The following ZIK1 variants were observed in gnomAD, a reference collection of about 807,000 sequenced individuals.
The protein encoded by ZIK1 is zinc finger protein interacting with K protein 1, also known as zinc finger protein interacting with ribonucleoprotein K.
Under a neutral mutation model 10.7 loss-of-function variants are expected in ZIK1, and 12 were observed. That is an observed-to-expected ratio of 1.12 (90% confidence interval 0.72 to 1.81). The LOEUF (loss-of-function observed/expected upper bound fraction) is 1.81, where lower values mean the gene tolerates loss of function less well. ZIK1 is among the 40% of genes most tolerant of loss of function. The pLI is 0.00. For missense variants in ZIK1, 497 were observed against 585.7 expected (o/e 0.85, Z 1.56); for synonymous variants, 190 against 205.0 (o/e 0.93, Z 0.63).
rs1472471696 is a variant in ZIK1, at chr19:57,590,848, C to T, written c.1037C>T (p.Thr346Ile). 1.2e-6 allele frequency: 2 copies of T among 1,614,102 alleles called. No individual in the cohort carries two copies. The highest frequency in any genetic ancestry group is 1.7e-6 in the Non-Finnish European group (2 of 1,180,024). The change falls in exon 4 of 4, where the codon ACT becomes ATT. Residue 346 changes from threonine (T) to isoleucine (I), a missense_variant. Coordinates refer to ENST00000597850, the MANE Select transcript of ZIK1 (RefSeq NM_001010879.4). ...ATLVKHQRVH[T>I]GERPYKCGEC... is the part of the protein sequence containing the mutation. Reference sequence around the variant, plus strand: ...CTTGTTAAACACCAAAGAGTTCACACTGGAGAAAGGCCTTATAAGTGTGGT... The same window carrying T: ...CTTGTTAAACACCAAAGAGTTCACATTGGAGAAAGGCCTTATAAGTGTGGT...
chr19:57,588,560 A>G lies in ZIK1; in HGVS notation c.94A>G (p.Ile32Val), dbSNP rs751682161. 14 of 1,567,198 alleles carry G rather than the reference A, an allele frequency of 8.9e-6. No homozygotes were observed. Among genetic ancestry groups the G allele is most frequent in the East Asian group, 4.7e-5 (2 of 42,950 alleles). Residue 32 changes from isoleucine (I) to valine (V), a missense_variant, in exon 3 of 4, where the codon ATC becomes GTC. Coordinates refer to ENST00000597850, the MANE Select transcript of ZIK1 (RefSeq NM_001010879.4). ...ACAGGGCTGTGTGACCTTTGAGGACATCGCCATTTACTTCTCACAGGACGA... is the reference window on the plus strand; with the variant it reads ...ACAGGGCTGTGTGACCTTTGAGGACGTCGCCATTTACTTCTCACAGGACGA... ...LTKGCVTFED[I>V]AIYFSQDEWG... is the part of the protein sequence containing the mutation.
In ZIK1 at chr19:57,590,422, T is replaced by C. The variant is rs201294359; in HGVS notation, c.611T>C (p.Ile204Thr). 198 of 1,614,032 alleles carry C rather than the reference T, an allele frequency of 1.2e-4. No individual in the cohort carries two copies. Among genetic ancestry groups the C allele is most frequent in the Non-Finnish European group, 3.1e-5 (37 of 1,180,016 alleles). Residue 204 changes from isoleucine (I) to threonine (T), a missense_variant, in exon 4 of 4, where the codon ATT (isoleucine) becomes ACT (threonine). Ile to Thr is a moderately conservative substitution (Grantham distance 89). Coordinates refer to ENST00000597850, the MANE Select transcript of ZIK1 (RefSeq NM_001010879.4). ...ACAATTACTGAATGTGGGGAGGACA[T>C]TCGCAGTCAAAAAAGTCATTACAAG... ...PGTITECGED[I>T]RSQKSHYKSG...
At position 57,591,416 on chromosome 19, in the gene ZIK1, C is replaced by T; in HGVS notation, c.*141C>T. The T allele has an allele frequency of 1.2e-6, 1 of 835,406 alleles. No homozygotes were observed. 51.7% of individuals were successfully genotyped at this position (835,406 alleles called of 1,614,324 possible). A position where few individuals can be genotyped will look rare whatever the true frequency, so the allele number is the denominator to read the frequency against. The stretch of plus-strand genomic sequence containing the variant: ...CTGTAGTATTGTAGCAGTAGAGAGC[C>T]TTTGTGAGGGAGCCATCTGCCTGAA... On this transcript the variant is annotated 3_prime_UTR_variant, in exon 4 of 4. Coordinates refer to ENST00000597850, the MANE Select transcript of ZIK1 (RefSeq NM_001010879.4).
intron 3 of ZIK1, 82 bp downstream of exon 3, chr19:57,588,747 A>G (rs1238282300): frequency 7.4e-7 from 1 of 1,346,840 alleles, no homozygotes; most frequent in Middle Eastern, 2.0e-4. Context: ...GATATGTGCT[A>G]TGGGATCCAG....
Position 57,591,184 on chromosome 19 carries a change from C to A in ZIK1, c.1373C>A (p.Thr458Asn). The A allele has an allele frequency of 6.2e-7, 1 of 1,614,222 alleles. No individual in the cohort carries two copies. The highest frequency in any genetic ancestry group is 8.5e-7 in the Non-Finnish European group (1 of 1,180,040). ...CTCATTCAACACCAAGTGGTTCACA[C>A]TGGAGAAAGGCCTTATGAGTGCAAC... ...SGLIQHQVVHTGERPYECNKC... is the reference protein window; with the variant it reads ...SGLIQHQVVHNGERPYECNKC... The change falls in exon 4 of 4, where the codon ACT becomes AAT. Residue 458 changes from threonine to asparagine, a missense_variant. By Grantham distance (65) the Thr-to-Asn change is moderately conservative (BLOSUM62 0). Transcript: ENST00000597850.
rs934062932 is a variant in ZIK1, at chr19:57,591,452, A to G, written c.*177A>G. 1.5e-6 allele frequency: 1 copy of G among 648,404 alleles called. No individual in the cohort carries two copies. Among genetic ancestry groups the G allele is most frequent in the African/African-American group, 1.8e-5 (1 of 54,846 alleles). 40.2% of individuals were successfully genotyped at this position (648,404 alleles called of 1,614,324 possible). ...AGCCATCTGCCTGAAGTTGAACCTCATTCTTCCTTGTTTCTCTGGTAGAAA... is the reference window on the plus strand; with the variant it reads ...AGCCATCTGCCTGAAGTTGAACCTCGTTCTTCCTTGTTTCTCTGGTAGAAA... On this transcript the variant is annotated 3_prime_UTR_variant, in exon 4 of 4. Coordinates refer to ENST00000597850, the MANE Select transcript of ZIK1 (RefSeq NM_001010879.4).
intron 3 of ZIK1, among the ~76,000 whole-genome samples, chr19:57,588,979 C>G (rs1485431624): frequency 6.6e-6 from 1 of 152,116 alleles, no homozygotes. Context: ...CTGACATTTT[C>G]TTGTGGCTAC....
rs191421323 is a variant in ZIK1, at chr19:57,587,126, T to C, written c.73-1413T>C. Among the ~76,000 whole-genome samples the C allele has an allele frequency of 2.1e-3, 321 of 152,234 alleles. 2 individuals carry two copies. The highest frequency in any genetic ancestry group is 7.4e-3 in the African/African-American group (308 of 41,544). On this transcript the variant is annotated intron_variant, in intron 2 of 3. Coordinates refer to ENST00000597850, the MANE Select transcript of ZIK1 (RefSeq NM_001010879.4). ...ATCTTGTGAGACTTATTTACTATCA[T>C]GAGAACAGCATGGGAAAGGCCTGCC...
chr19:57,590,632 A>G lies in ZIK1; in HGVS notation c.821A>G (p.Lys274Arg). 6.2e-7 allele frequency: 1 copy of G among 1,614,208 alleles called. No individual in the cohort carries two copies. The highest frequency in any genetic ancestry group is 1.7e-5 in the Admixed American group (1 of 60,024). Residue 274 changes from lysine (K) to arginine (R), a missense_variant, in exon 4 of 4, where the codon AAA (lysine) becomes AGA (arginine). Coordinates refer to ENST00000597850, the MANE Select transcript of ZIK1 (RefSeq NM_001010879.4). ...CCTTGGGAGTGCAATGAATGTGGAA[A>G]ATTCTTTAGCCAAACCTCCCACCTG... is the stretch of plus-strand genomic sequence containing the variant. ...ERPWECNECG[K>R]FFSQTSHLND... is the part of the protein sequence containing the mutation.
Position 57,590,976 on chromosome 19 carries a change from A to G in ZIK1, c.1165A>G (p.Ser389Gly), listed in dbSNP as rs1166861337. The G allele has an allele frequency of 6.2e-7, 1 of 1,614,144 alleles. No homozygotes were observed. The highest frequency in any genetic ancestry group is 8.5e-7 in the Non-Finnish European group (1 of 1,180,008). The part of the protein sequence containing the change: ...YECGQCGKSF[S>G]QKATLIKHQR... ...GTGTGGCCAGTGTGGGAAATCCTTT[A>G]GTCAAAAAGCTACCCTCATTAAACA... The change falls in exon 4 of 4, where the codon AGT becomes GGT. Residue 389 changes from serine to glycine, a missense_variant. Coordinates refer to ENST00000597850, the MANE Select transcript of ZIK1 (RefSeq NM_001010879.4).
At position 57,590,584 on chromosome 19, in the gene ZIK1, A is replaced by G; in HGVS notation, c.773A>G (p.Gln258Arg). The G allele has an allele frequency of 6.2e-7, 1 of 1,614,282 alleles. No homozygotes were observed. The change falls in exon 4 of 4, where the codon CAG becomes CGG. Residue 258 changes from glutamine to arginine, a missense_variant. Gln to Arg is a conservative substitution (Grantham distance 43). Coordinates refer to ENST00000597850, the MANE Select transcript of ZIK1 (RefSeq NM_001010879.4). ...GGCAAGTACTCACTTGTTCAGCACC[A>G]GAGAGTCCATACTGGAGAAAGGCCT... ...FRGKYSLVQH[Q>R]RVHTGERPWE...
chr19:57,585,797 C>T (rs985164049), intron 2 of ZIK1, among the ~76,000 whole-genome samples: 11 of 152,218 alleles, frequency 7.2e-5, no homozygotes, highest in Middle Eastern at 3.4e-3. Context: ...CAACCTCCAC[C>T]TCCCGGGTTC....
At chr19:57,584,564 C>T in intron 1 of ZIK1, 175 bp downstream of exon 1, 1 of 1,410,832 alleles carries the variant, frequency 7.1e-7, no homozygotes, top group Non-Finnish European at 9.2e-7. Flanking sequence ...ACCAGCGTTT[C>T]TAAACTCTTG....
At chr19:57,584,559 C>G in intron 1 of ZIK1, 170 bp downstream of exon 1, 1 of 1,410,710 alleles carries the variant, frequency 7.1e-7, no homozygotes, top group Non-Finnish European at 9.2e-7. Context: ...AAGGGACCAG[C>G]GTTTCTAAAC....
chr19:57,589,520 G>C (rs1467645929), intron 3 of ZIK1: 1 of 985,210 alleles, frequency 1.0e-6, no homozygotes, highest in Non-Finnish European at 1.2e-6. Flanking sequence ...TGCTCCCTCT[G>C]CAATGTTTTC....
chr19:57,587,210 ACAATT>A (rs930367434), intron 2 of ZIK1, among the ~76,000 whole-genome samples: 7 of 152,230 alleles, frequency 4.6e-5, no homozygotes, highest in African/African-American at 7.2e-5. Flanking sequence ...TGTGGGAACT[ACAATT>A]CAAGAAGAGA....
In ZIK1 at chr19:57,590,827, TTAAACACCA is replaced by T. The variant is rs1979622908; in HGVS notation, c.1017_1025del (p.Lys340_Gln342del). On this transcript the variant is annotated inframe_deletion, in exon 4 of 4. Coordinates refer to ENST00000597850, the MANE Select transcript of ZIK1 (RefSeq NM_001010879.4). ...TCCTTTAGCCAAAAAGCCACCCTTG[TTAAACACCA>T]AAGAGTTCACACTGGAGAAAGGCCT... 6.2e-7 allele frequency: 1 copy of T among 1,613,942 alleles called. No individual in the cohort carries two copies. Among genetic ancestry groups the T allele is most frequent in the Non-Finnish European group, 8.5e-7 (1 of 1,180,024 alleles).
chr19:57,584,689 T>A (rs1978970624), intron 1 of ZIK1: 1 of 1,335,600 alleles, frequency 7.5e-7, no homozygotes, highest in Non-Finnish European at 9.7e-7. Flanking sequence ...ATGGTCTGAG[T>A]TAGGTCTTTC....
intron 3 of ZIK1, chr19:57,589,239 TG>T: frequency 1.0e-6 from 1 of 985,034 alleles, no homozygotes; most frequent in Non-Finnish European, 1.2e-6. Flanking sequence ...GAAACCTGGT[TG>T]CTTTATAGGG....
Sources: allele counts gnomAD v4.1 joint callset (sites outside exome capture counted in the v4.1 genomes callset), GRCh38; gene constraint gnomAD v4.1.1; transcripts MANE v1.5; gene names NCBI Gene and HGNC (gene_info 2026-07-23, HGNC 2026-07-21).